The following GUCY1A2 variants were observed in gnomAD, a reference collection of about 807,000 sequenced individuals.
GUCY1A2 encodes the protein guanylate cyclase 1 soluble subunit alpha 2, also known as guanylate cyclase soluble subunit alpha-2.
GUCY1A2 carries 27 observed loss-of-function variants against 63.5 expected under a neutral mutation model. The observed-to-expected ratio is 0.43, with a 90% CI of 0.31 to 0.59. GUCY1A2 has a LOEUF of 0.59. Ranked by LOEUF, GUCY1A2 falls within the 20% of genes least tolerant of loss-of-function variation. GUCY1A2 has a pLI of 0.11. For synonymous variants in GUCY1A2, 364 were observed against 343.5 expected, an observed-to-expected ratio of 1.06 and a Z score of -0.66; for missense variants, 768 against 913.3, an observed-to-expected ratio of 0.84 and a Z score of 2.05.
chr11:106,928,507 G>A (rs1238349093), intron 4 of GUCY1A2, among the ~76,000 whole-genome samples: 1 of 151,078 alleles, frequency 6.6e-6, no homozygotes, highest in African/African-American at 2.4e-5. Flanking sequence ...AAACCACCAT[G>A]TCTTCATTAG....
At chr11:106,901,154 C>T (rs552207894) in intron 4 of GUCY1A2, among the ~76,000 whole-genome samples, 1 of 152,198 alleles carries the variant, frequency 6.6e-6, no homozygotes, top group Non-Finnish European at 1.5e-5. Flanking sequence ...ATTTCAACAA[C>T]GTTCACACAT....
Position 107,018,272 on chromosome 11 carries a change from C to T in GUCY1A2, c.-217G>A, listed in dbSNP as rs559123738. On this transcript the variant is annotated 5_prime_UTR_variant, in exon 1 of 8. Coordinates refer to ENST00000526355, the MANE Select transcript of GUCY1A2 (RefSeq NM_000855.3). ...TGGGGCGCCGCCGCACCTTGGGGCC[C>T]GGGCTCGGCGGCGGCGCCGGGCTGG... is the stretch of plus-strand genomic sequence containing the variant. The T allele has an allele frequency of 2.0e-3, 290 of 145,500 alleles. No individual in the cohort carries two copies. Among genetic ancestry groups the T allele is most frequent in the Admixed American group, 5.3e-3 (78 of 14,662 alleles). The allele number at this position is 145,500 out of a possible 1,614,324, so 9.0% of individuals were successfully genotyped here.
chr11:106,913,066 A>G (rs1229570079), intron 4 of GUCY1A2, among the ~76,000 whole-genome samples: 1 of 152,166 alleles, frequency 6.6e-6, no homozygotes, highest in Non-Finnish European at 1.5e-5. Context: ...CCAGCATTCT[A>G]TACACAGTTA....
Position 106,881,437 on chromosome 11 carries a change from T to C in GUCY1A2, c.1206+58023A>G, listed in dbSNP as rs569895029. Among the ~76,000 whole-genome samples the C allele has an allele frequency of 1.2e-4, 18 of 152,198 alleles. No homozygotes were observed. The South Asian group carries it at 3.1e-3, about 26-fold the overall frequency. On this transcript the variant is annotated intron_variant, in intron 4 of 7. Coordinates refer to ENST00000526355, the MANE Select transcript of GUCY1A2 (RefSeq NM_000855.3). ...AGTTCTTCAAGATCCAGAATGAGTATACAACTTGCTTGCAAATTCACAAAA... is the reference window on the plus strand; with the variant it reads ...AGTTCTTCAAGATCCAGAATGAGTACACAACTTGCTTGCAAATTCACAAAA...
At chr11:106,953,601 G>A (rs934518482) in intron 3 of GUCY1A2, among the ~76,000 whole-genome samples, 2 of 151,906 alleles carry the variant, frequency 1.3e-5, no homozygotes, top group African/African-American at 2.4e-5. Flanking sequence ...AATGGTACTA[G>A]CTCCTCTTTA....
intron 4 of GUCY1A2, among the ~76,000 whole-genome samples, chr11:106,863,052 A>T (rs1859535629): frequency 6.6e-6 from 1 of 152,072 alleles, no homozygotes; most frequent in African/African-American, 2.4e-5. Context: ...TTAGTCCTCA[A>T]AGATAAACTT....
chr11:106,815,614 G>A (rs955627774), intron 4 of GUCY1A2, among the ~76,000 whole-genome samples: 1 of 151,852 alleles, frequency 6.6e-6, no homozygotes, highest in Admixed American at 6.6e-5. Context: ...AGGAACAGAA[G>A]GACTAGAAGT....
chr11:106,703,709 G>A (rs1302240978), intron 7 of GUCY1A2, among the ~76,000 whole-genome samples: 1 of 152,008 alleles, frequency 6.6e-6, no homozygotes, highest in Non-Finnish European at 1.5e-5. Context: ...TAATGTTTGT[G>A]TTGTTGAAGC....
intron 6 of GUCY1A2, among the ~76,000 whole-genome samples, chr11:106,758,696 T>G (rs553808392): frequency 6.6e-6 from 1 of 152,324 alleles, no homozygotes; most frequent in South Asian, 2.1e-4. Context: ...ACTTACTGAT[T>G]AGGATTTAGT....
intron 5 of GUCY1A2, among the ~76,000 whole-genome samples, chr11:106,805,206 CT>C (rs1163294801): frequency 1.3e-5 from 2 of 152,024 alleles, no homozygotes; most frequent in African/African-American, 4.8e-5. Flanking sequence ...AATACTCCCC[CT>C]CTACCTTTAC....
intron 1 of GUCY1A2, among the ~76,000 whole-genome samples, chr11:106,990,942 T>C (rs543306924): frequency 1.2e-4 from 18 of 152,346 alleles, no homozygotes; most frequent in African/African-American, 4.3e-4. Context: ...AGACACAAAC[T>C]TAATAGAAAC....
chr11:106,810,892 C>A (rs1470779901), intron 4 of GUCY1A2, among the ~76,000 whole-genome samples: 3 of 151,756 alleles, frequency 2.0e-5, no homozygotes, highest in Admixed American at 1.3e-4. Context: ...AAAATAATAC[C>A]CCTTTCAGAA....
intron 4 of GUCY1A2, among the ~76,000 whole-genome samples, chr11:106,927,205 C>G (rs1339510519): frequency 1.3e-5 from 2 of 151,624 alleles, no homozygotes; most frequent in East Asian, 4.0e-4. Flanking sequence ...AACCCTGTCT[C>G]TACTAAAAAT....
chr11:106,944,902 T>C (rs926753236), intron 3 of GUCY1A2, among the ~76,000 whole-genome samples: 1 of 152,168 alleles, frequency 6.6e-6, no homozygotes, highest in African/African-American at 2.4e-5. Flanking sequence ...TCCCTTGTAG[T>C]ATTTTTTCTG....
At chr11:106,774,922 CAGTTTTCAGCTCTTTTTATTTCTTAT>C (rs1223987550) in intron 6 of GUCY1A2, among the ~76,000 whole-genome samples, 2 of 152,110 alleles carry the variant, frequency 1.3e-5, no homozygotes, top group Non-Finnish European at 2.9e-5. Flanking sequence ...CCCTTTCTCA[CAGTTTTCAGCTCTTTTTATTTCTTAT>C]AGTTACGTTA....
Position 106,916,166 on chromosome 11 carries a change from T to A in GUCY1A2, c.1206+23294A>T, listed in dbSNP as rs535496993. On this transcript the variant is annotated intron_variant, in intron 4 of 7. Transcript: ENST00000526355. Reference sequence around the variant, plus strand: ...ACAAAAGATTTAGTTGACAATTTAGTCATAAGCATAAAGTACTTTTTGGTT... The same window carrying A: ...ACAAAAGATTTAGTTGACAATTTAGACATAAGCATAAAGTACTTTTTGGTT... Among the ~76,000 whole-genome samples, 4 of 145,938 alleles carry A rather than the reference T, an allele frequency of 2.7e-5. 1 individual carries two copies. The highest frequency in any genetic ancestry group is 6.2e-5 in the Non-Finnish European group (4 of 64,864).
chr11:106,777,521 T>G (rs1011194403), intron 5 of GUCY1A2, among the ~76,000 whole-genome samples: 4 of 151,418 alleles, frequency 2.6e-5, no homozygotes, highest in African/African-American at 9.7e-5. Flanking sequence ...TGAGTTCATG[T>G]CTTTTGCAGG....
At chr11:106,756,816 T>C (rs1453519658) in intron 6 of GUCY1A2, among the ~76,000 whole-genome samples, 2 of 152,176 alleles carry the variant, frequency 1.3e-5, no homozygotes, top group African/African-American at 4.8e-5. Flanking sequence ...AATCTGACGA[T>C]TATGTTTCTT....
intron 4 of GUCY1A2, among the ~76,000 whole-genome samples, chr11:106,870,772 C>T (rs1376128495): frequency 1.3e-5 from 2 of 152,164 alleles, no homozygotes; most frequent in Non-Finnish European, 2.9e-5. Flanking sequence ...TCTCTCCCAT[C>T]TCCATGCTAT....
Sources: gnomAD v4.1 joint callset for allele counts (sites outside exome capture counted in the v4.1 genomes callset) on GRCh38, gnomAD v4.1.1 for gene constraint, MANE v1.5 for transcripts, NCBI Gene and HGNC (gene_info 2026-07-23, HGNC 2026-07-21) for gene names.